Variants in STPG2 observed in about 807,000 individuals in gnomAD.
The protein encoded by STPG2 is sperm-tail PG-rich repeat-containing protein 2.
In STPG2, 56 loss-of-function variants were observed where a neutral mutation model predicts 54.2. That is an observed-to-expected ratio of 1.03 (90% CI 0.83 to 1.29). STPG2 has a LOEUF of 1.29. STPG2 is among the 50% of genes most tolerant of loss of function. The pLI, the probability that STPG2 is intolerant of heterozygous loss-of-function variation, is 0.00. For missense variants in STPG2, 596 were observed against 544.9 expected (o/e 1.09, Z -0.93); for synonymous variants, 200 against 181.8 (o/e 1.10, Z -0.81).
chr4:97,592,092 T>G (rs1443218236), intron 10 of STPG2, among the ~76,000 whole-genome samples: 1 of 152,172 alleles, frequency 6.6e-6, no homozygotes, highest in Admixed American at 6.5e-5. Context: ...GAAGAAACAG[T>G]AATTGGAAAG....
intron 4 of STPG2, among the ~76,000 whole-genome samples, chr4:97,519,954 T>C (rs950782483): frequency 2.0e-4 from 30 of 152,182 alleles, no homozygotes; most frequent in Non-Finnish European, 1.6e-4. Flanking sequence ...TTGTGTAACC[T>C]TGAGTAAGTT....
chr4:97,779,011 A>G (rs1215832026), intron 9 of STPG2, among the ~76,000 whole-genome samples: 1 of 152,210 alleles, frequency 6.6e-6, no homozygotes, highest in Non-Finnish European at 1.5e-5. Flanking sequence ...CGAAAATTCT[A>G]AAAATCAGAG....
chr4:97,521,100 T>C (rs986118174), intron 4 of STPG2, among the ~76,000 whole-genome samples: 16 of 152,082 alleles, frequency 1.1e-4, no homozygotes, highest in African/African-American at 3.9e-4. Context: ...TGTTTGTTAC[T>C]ATTGTACATT....
intron 5 of STPG2, among the ~76,000 whole-genome samples, chr4:98,041,325 T>G (rs1736950070): frequency 6.6e-6 from 1 of 152,002 alleles, no homozygotes; most frequent in Non-Finnish European, 1.5e-5. Flanking sequence ...TCTTTCTGTC[T>G]CTTGCCTGAT....
intron 10 of STPG2, among the ~76,000 whole-genome samples, chr4:97,584,801 G>C (rs1330177582): frequency 6.6e-6 from 1 of 151,570 alleles, no homozygotes; most frequent in Non-Finnish European, 1.5e-5. Flanking sequence ...AACCCTCCTA[G>C]ATTAAATCAG....
intron 4 of STPG2, among the ~76,000 whole-genome samples, chr4:97,444,754 G>T (rs558230688): frequency 4.6e-5 from 7 of 152,314 alleles, no homozygotes; most frequent in Admixed American, 3.9e-4. Flanking sequence ...AGTAGGCTGG[G>T]TGCAGTGGCT....
At chr4:97,569,682 TGG>T (rs1732549945) in intron 10 of STPG2, among the ~76,000 whole-genome samples, 2 of 152,130 alleles carry the variant, frequency 1.3e-5, no homozygotes, top group Non-Finnish European at 2.9e-5. Context: ...TTGAAATTAG[TGG>T]CAGGGTTGGA....
intron 5 of STPG2, among the ~76,000 whole-genome samples, chr4:98,035,340 AG>A (rs1209994296): frequency 6.6e-6 from 1 of 152,192 alleles, no homozygotes; most frequent in Non-Finnish European, 1.5e-5. Context: ...CAACAAACAT[AG>A]GGAAAAAAAG....
intron 5 of STPG2, among the ~76,000 whole-genome samples, chr4:98,016,172 G>A (rs143248175): frequency 2.0e-3 from 309 of 152,082 alleles, no homozygotes; most frequent in African/African-American, 7.2e-3. Flanking sequence ...AAACCTGCAC[G>A]CTCTGCACAT....
intron 8 of STPG2, among the ~76,000 whole-genome samples, chr4:97,935,439 C>A (rs888040519): frequency 6.6e-6 from 1 of 152,110 alleles, no homozygotes; most frequent in Non-Finnish European, 1.5e-5. Context: ...GATTTGTTTG[C>A]TCTTGCTTCT....
chr4:97,586,355 A>G (rs1474140866), intron 10 of STPG2, among the ~76,000 whole-genome samples: 2 of 151,918 alleles, frequency 1.3e-5, no homozygotes, highest in Non-Finnish European at 2.9e-5. Flanking sequence ...CGATATTTAT[A>G]TCATCTAAGT....
intron 4 of STPG2, among the ~76,000 whole-genome samples, chr4:97,550,147 C>T (rs890345109): frequency 6.6e-6 from 1 of 152,036 alleles, no homozygotes; most frequent in Non-Finnish European, 1.5e-5. Flanking sequence ...CTTTATCTCC[C>T]TTCTAAATGA....
intron 4 of STPG2, among the ~76,000 whole-genome samples, chr4:97,530,228 T>C (rs1731384221): frequency 6.6e-6 from 1 of 152,216 alleles, no homozygotes; most frequent in South Asian, 2.1e-4. Flanking sequence ...GAATCCTCTG[T>C]TGAATTCTCC....
intron 8 of STPG2, among the ~76,000 whole-genome samples, chr4:97,853,295 A>G (rs528519945): frequency 1.3e-5 from 2 of 152,258 alleles, no homozygotes; most frequent in South Asian, 4.1e-4. Flanking sequence ...TGAATGAAAT[A>G]TATTTTCAAT....
chr4:97,802,762 C>T (rs574137782), intron 9 of STPG2, among the ~76,000 whole-genome samples: 5 of 152,176 alleles, frequency 3.3e-5, no homozygotes, highest in Admixed American at 6.5e-5. Context: ...TGAGCCACCG[C>T]GCCCGGCCCT....
Position 97,848,932 on chromosome 4 carries a change from G to A in STPG2, c.1045-8000C>T, listed in dbSNP as rs573960933. Among the ~76,000 whole-genome samples the A allele has an allele frequency of 3.7e-3, 557 of 150,090 alleles. 3 individuals carry two copies. Among genetic ancestry groups the A allele is most frequent in the Non-Finnish European group, 6.2e-3 (419 of 67,640 alleles). On this transcript the variant is annotated intron_variant, in intron 8 of 10. Transcript: ENST00000295268. ...GTAGTATAGCTTGAAGTCAGGTAGT[G>A]TGATGCCTCCAGCTTTGTTCTTTTG...
intron 9 of STPG2, among the ~76,000 whole-genome samples, chr4:97,799,589 G>A (rs1182778284): frequency 1.3e-5 from 2 of 152,154 alleles, no homozygotes; most frequent in Admixed American, 1.3e-4. Flanking sequence ...TGGGTAACCC[G>A]ACCTTTCTCT....
chr4:98,004,768 T>C (rs945799710), intron 5 of STPG2, among the ~76,000 whole-genome samples: 1 of 152,164 alleles, frequency 6.6e-6, no homozygotes, highest in Non-Finnish European at 1.5e-5. Flanking sequence ...CATATAACTG[T>C]TGGCCATTTG....
chr4:97,952,734 G>T (rs535132103), intron 7 of STPG2, among the ~76,000 whole-genome samples: 1 of 152,146 alleles, frequency 6.6e-6, no homozygotes, highest in Non-Finnish European at 1.5e-5. Context: ...TAGTGTGTTG[G>T]TTTTCTCAAA....
Sources: allele counts gnomAD v4.1 joint callset (sites outside exome capture counted in the v4.1 genomes callset), GRCh38; gene constraint gnomAD v4.1.1; transcripts MANE v1.5; gene names NCBI Gene and HGNC (gene_info 2026-07-23, HGNC 2026-07-21).